The following NPFFR2 variants were observed in gnomAD, a reference collection of about 807,000 sequenced individuals.
The protein encoded by NPFFR2 is G-protein coupled receptor 74.
Under a neutral mutation model 13.1 loss-of-function variants are expected in NPFFR2, and 15 were observed. The observed-to-expected ratio is 1.15, with a 90% CI of 0.77 to 1.76. The LOEUF (loss-of-function observed/expected upper bound fraction) is 1.76, where lower values mean the gene tolerates loss of function less well. Ranked by LOEUF, NPFFR2 falls within the 40% of genes most tolerant of loss-of-function variation. The pLI, the probability that NPFFR2 is intolerant of heterozygous loss-of-function variation, is 0.00. For synonymous variants in NPFFR2, 190 were observed against 175.7 expected, an observed-to-expected ratio of 1.08 and a Z score of -0.65; for missense variants, 572 against 503.5, an observed-to-expected ratio of 1.14 and a Z score of -1.30.
chr4:72,147,245 C>A lies in NPFFR2; in HGVS notation c.696C>A (p.Leu232=). The A allele has an allele frequency of 1.2e-6, 2 of 1,614,212 alleles. No individual in the cohort carries two copies. Among genetic ancestry groups the A allele is most frequent in the Non-Finnish European group, 1.7e-6 (2 of 1,180,038 alleles). The change falls in exon 4 of 4, where the codon CTC becomes CTA. Residue 232 remains leucine, a synonymous_variant. Transcript: ENST00000308744. ...VLFANIYLAP[L]SLIVIMYGRI... ...TTGCCAACATCTACCTGGCTCCCCT[C>A]TCCCTCATTGTCATCATGTATGGAA...
At chr4:72,040,782 T>C (rs57060734) in intron 1 of NPFFR2, among the ~76,000 whole-genome samples, 10,149 of 151,930 alleles carry the variant, frequency 0.067, 971 homozygotes, top group East Asian at 0.47. Context: ...AAAATTTATC[T>C]TCCAAAAATC....
At chr4:72,122,199 G>C (rs542482112) in intron 1 of NPFFR2, among the ~76,000 whole-genome samples, 1 of 152,064 alleles carries the variant, frequency 6.6e-6, no homozygotes, top group African/African-American at 2.4e-5. Flanking sequence ...AACCAGAAGA[G>C]CTAACTAACT....
At chr4:72,069,348 AT>A (rs1720176941) in intron 1 of NPFFR2, among the ~76,000 whole-genome samples, 1 of 152,150 alleles carries the variant, frequency 6.6e-6, no homozygotes, top group Non-Finnish European at 1.5e-5. Context: ...AAAAACTATA[AT>A]TGTACAATCA....
intron 1 of NPFFR2, among the ~76,000 whole-genome samples, chr4:72,050,042 C>G (rs1719497278): frequency 6.6e-6 from 1 of 152,028 alleles, no homozygotes; most frequent in Non-Finnish European, 1.5e-5. Context: ...ATCCAAACCT[C>G]CAAGGATGGG....
At chr4:72,050,422 C>A (rs185480083) in intron 1 of NPFFR2, among the ~76,000 whole-genome samples, 1 of 151,926 alleles carries the variant, frequency 6.6e-6, no homozygotes, top group African/African-American at 2.4e-5. Flanking sequence ...CTTCATTATA[C>A]ACTCCTCCCT....
At chr4:72,139,175 T>G (rs1204798180) in intron 3 of NPFFR2, among the ~76,000 whole-genome samples, 1 of 152,112 alleles carries the variant, frequency 6.6e-6, no homozygotes, top group Non-Finnish European at 1.5e-5. Flanking sequence ...GTCAGAAGGG[T>G]AGATTGCAAA....
At chr4:72,116,756 T>C (rs1721723486) in intron 1 of NPFFR2, among the ~76,000 whole-genome samples, 3 of 152,196 alleles carry the variant, frequency 2.0e-5, no homozygotes, top group Admixed American at 2.0e-4. Flanking sequence ...AATCTTTTGT[T>C]CAGGCATATT....
intron 1 of NPFFR2, among the ~76,000 whole-genome samples, chr4:72,122,356 TAAC>T (rs1169234639): frequency 1.3e-5 from 2 of 152,142 alleles, no homozygotes; most frequent in Non-Finnish European, 2.9e-5. Context: ...AGACAGAAGT[TAAC>T]AAAAATATTC....
chr4:72,097,526 A>G lies in NPFFR2; in HGVS notation c.-7-31059A>G, dbSNP rs549117291. Among the ~76,000 whole-genome samples, 4 of 152,272 alleles carry G rather than the reference A, an allele frequency of 2.6e-5. No homozygotes were observed. The East Asian group carries it at 7.7e-4, about 29-fold the overall frequency. ...TGGTCTGTGAGTAATGCCTTAAAAT[A>G]TGGACTTTATAGTAAAAGCTTCACT... On this transcript the variant is annotated intron_variant, in intron 1 of 3. Transcript: ENST00000308744.
chr4:72,113,829 G>A (rs1721634965), intron 1 of NPFFR2, among the ~76,000 whole-genome samples: 1 of 152,022 alleles, frequency 6.6e-6, no homozygotes, highest in African/African-American at 2.4e-5. Flanking sequence ...GTCTCCTGGT[G>A]GAGTTTTGCT....
chr4:72,056,315 A>G (rs191901679), intron 1 of NPFFR2, among the ~76,000 whole-genome samples: 2 of 152,076 alleles, frequency 1.3e-5, no homozygotes, highest in East Asian at 3.9e-4. Flanking sequence ...TATAAATGAA[A>G]CATCAAAGCT....
intron 1 of NPFFR2, among the ~76,000 whole-genome samples, chr4:72,107,258 CT>C (rs200054538): frequency 6.6e-6 from 1 of 151,098 alleles, no homozygotes; most frequent in Admixed American, 6.7e-5. Flanking sequence ...TGGGGGAGTA[CT>C]TTTTTGTGTA....
rs760474427 is a variant in NPFFR2, at chr4:72,128,754, ATCT to A, written c.168_170del (p.Phe57del). 28 of 1,614,056 alleles carry A rather than the reference ATCT, an allele frequency of 1.7e-5. No homozygotes were observed. In the East Asian group the frequency reaches 2.9e-4, roughly 17 times the overall value. On this transcript the variant is annotated inframe_deletion, in exon 2 of 4. Coordinates refer to ENST00000308744, the MANE Select transcript of NPFFR2 (RefSeq NM_004885.3). ...AATCTTCATTATTTCCTACTTTCTG[ATCT>A]TCTTTTTGTGCATGATGGGAAATAC...
chr4:72,069,045 T>G, intron 1 of NPFFR2: 1 of 870,814 alleles, frequency 1.1e-6, no homozygotes, highest in African/African-American at 1.8e-5. Flanking sequence ...AATATTATTT[T>G]GATCTTTTGA....
chr4:72,043,845 G>A (rs1719302352), intron 1 of NPFFR2, among the ~76,000 whole-genome samples: 2 of 152,174 alleles, frequency 1.3e-5, no homozygotes, highest in Non-Finnish European at 2.9e-5. Flanking sequence ...TGTTGGAAGG[G>A]CATGATTGTG....
chr4:72,061,886 CACATGTATACCTATGTAACAAACCT>C (rs1404081421), intron 1 of NPFFR2, among the ~76,000 whole-genome samples: 1 of 152,008 alleles, frequency 6.6e-6, no homozygotes, highest in African/African-American at 2.4e-5. Flanking sequence ...ACCACCATGA[CACATGTATACCTATGTAACAAACCT>C]ACATGTTCTG....
In NPFFR2 at chr4:72,139,034, A is replaced by G. The variant is rs373850869; in HGVS notation, c.428+895A>G. ...CCAGTGATGATGAGCATTTTTTCAT[A>G]TATCTGTTGGCTGCACAAATGTCTT... is the stretch of plus-strand genomic sequence containing the variant. On this transcript the variant is annotated intron_variant, in intron 3 of 3. Coordinates refer to ENST00000308744, the MANE Select transcript of NPFFR2 (RefSeq NM_004885.3). Among the ~76,000 whole-genome samples the G allele has an allele frequency of 4.5e-4, 69 of 152,228 alleles. 2 individuals carry two copies. In the East Asian group the frequency reaches 6.4e-3, roughly 14 times the overall value.
chr4:72,142,986 T>C (rs188156031), intron 3 of NPFFR2, among the ~76,000 whole-genome samples: 1 of 152,304 alleles, frequency 6.6e-6, no homozygotes, highest in East Asian at 1.9e-4. Context: ...AAAGAGATAA[T>C]AATCAATTCT....
At chr4:72,142,354 G>A (rs1255363715) in intron 3 of NPFFR2, among the ~76,000 whole-genome samples, 1 of 152,162 alleles carries the variant, frequency 6.6e-6, no homozygotes, top group Non-Finnish European at 1.5e-5. Context: ...CCTTGGCTAG[G>A]AAAGGGAAAT....
Sources: gnomAD v4.1 joint callset for allele counts (sites outside exome capture counted in the v4.1 genomes callset) on GRCh38, gnomAD v4.1.1 for gene constraint, MANE v1.5 for transcripts, NCBI Gene and HGNC (gene_info 2026-07-23, HGNC 2026-07-21) for gene names.